CTNND2: variants seen among roughly 807,000 people sequenced by gnomAD.
CTNND2 encodes the protein catenin delta-2.
A neutral mutation model predicts 144.4 loss-of-function variants in CTNND2; 22 were observed. The observed-to-expected ratio is 0.15, with a 90% CI of 0.11 to 0.22. CTNND2 has a LOEUF of 0.22. Ranked by LOEUF, CTNND2 falls within the 10% of genes least tolerant of loss-of-function variation. CTNND2 has a pLI of 1.00. For missense variants in CTNND2, 1,353 were observed against 1,618.8 expected, an observed-to-expected ratio of 0.84 and a Z score of 2.82; for synonymous variants, 751 against 695.6, an observed-to-expected ratio of 1.08 and a Z score of -1.25.
At chr5:11,013,596 G>T (rs1561171333) in intron 18 of CTNND2, among the ~76,000 whole-genome samples, 1 of 152,230 alleles carries the variant, frequency 6.6e-6, no homozygotes, top group Non-Finnish European at 1.5e-5. Context: ...TTAGAGGACA[G>T]AAGTTGCAAA....
chr5:11,452,655 A>T (rs758512277), intron 3 of CTNND2, among the ~76,000 whole-genome samples: 1 of 152,214 alleles, frequency 6.6e-6, no homozygotes, highest in Non-Finnish European at 1.5e-5. Context: ...TTTTCATTCT[A>T]ACTATTCATT....
chr5:11,523,171 G>A lies in CTNND2; in HGVS notation c.287+41773C>T, dbSNP rs185026711. The stretch of plus-strand genomic sequence containing the variant: ...TACATAATATAATTATGGAGGAAAC[G>A]ATCAGTCTTTTTCCAAGGCTTGTTC... On this transcript the variant is annotated intron_variant, in intron 3 of 21. Coordinates refer to ENST00000304623, the MANE Select transcript of CTNND2 (RefSeq NM_001332.4). 2.4e-3 allele frequency among the ~76,000 whole-genome samples: 366 copies of A among 152,250 alleles called. 2 individuals carry two copies. The highest frequency in any genetic ancestry group is 8.4e-3 in the African/African-American group (349 of 41,552).
chr5:11,528,373 G>T (rs1434045349), intron 3 of CTNND2, among the ~76,000 whole-genome samples: 3 of 151,972 alleles, frequency 2.0e-5, no homozygotes, highest in African/African-American at 7.3e-5. Flanking sequence ...GTAAAACACA[G>T]CAACCCATGA....
At chr5:11,641,659 TATAC>T (rs1487472737) in intron 2 of CTNND2, among the ~76,000 whole-genome samples, 166 of 143,538 alleles carry the variant, frequency 1.2e-3, no homozygotes, top group East Asian at 2.7e-3. Context: ...TACGTGTGTA[TATAC>T]ATATACGTGT....
At chr5:11,131,852 T>C (rs1755644230) in intron 12 of CTNND2, among the ~76,000 whole-genome samples, 1 of 152,158 alleles carries the variant, frequency 6.6e-6, no homozygotes, top group South Asian at 2.1e-4. Context: ...ACATATGCAG[T>C]CATGTAATCT....
intron 1 of CTNND2, among the ~76,000 whole-genome samples, chr5:11,825,987 A>G (rs1008243810): frequency 5.3e-5 from 8 of 152,100 alleles, no homozygotes; most frequent in Non-Finnish European, 1.0e-4. Flanking sequence ...AACGTAAGGC[A>G]TAATAAGGGA....
intron 2 of CTNND2, among the ~76,000 whole-genome samples, chr5:11,625,188 T>C (rs1006551778): frequency 6.6e-6 from 1 of 152,076 alleles, no homozygotes; most frequent in African/African-American, 2.4e-5. Context: ...CTAATCTTCA[T>C]AGGAAAATGA....
At chr5:11,763,062 C>T (rs1789366688) in intron 1 of CTNND2, among the ~76,000 whole-genome samples, 1 of 152,116 alleles carries the variant, frequency 6.6e-6, no homozygotes, top group Non-Finnish European at 1.5e-5. Flanking sequence ...AGTGAGTTCT[C>T]ATGAGACCTG....
intron 17 of CTNND2, among the ~76,000 whole-genome samples, chr5:11,020,549 A>G (rs796776408): frequency 1.2e-4 from 19 of 152,300 alleles, no homozygotes; most frequent in African/African-American, 4.6e-4. Flanking sequence ...GGGAATCTCC[A>G]TACCTACTAT....
chr5:11,472,429 A>G (rs1767317739), intron 3 of CTNND2, among the ~76,000 whole-genome samples: 1 of 152,162 alleles, frequency 6.6e-6, no homozygotes, highest in Non-Finnish European at 1.5e-5. Flanking sequence ...ATTTTTCCAG[A>G]CAAACTTCAG....
intron 14 of CTNND2, among the ~76,000 whole-genome samples, chr5:11,106,715 A>G (rs1348910758): frequency 6.6e-6 from 1 of 152,124 alleles, no homozygotes; most frequent in Non-Finnish European, 1.5e-5. Flanking sequence ...GGGCCACTAC[A>G]TGCCTTTTTT....
chr5:11,799,980 A>C (rs1268100974), intron 1 of CTNND2, among the ~76,000 whole-genome samples: 1 of 152,188 alleles, frequency 6.6e-6, no homozygotes, highest in Non-Finnish European at 1.5e-5. Flanking sequence ...AAAGTTTGAC[A>C]TTCCAGAATT....
intron 2 of CTNND2, among the ~76,000 whole-genome samples, chr5:11,659,838 A>G (rs1386502567): frequency 6.6e-6 from 1 of 152,172 alleles, no homozygotes; most frequent in African/African-American, 2.4e-5. Flanking sequence ...TCATGAGTGT[A>G]CATCAGCTAC....
At chr5:11,163,089 AT>A in intron 11 of CTNND2, among the ~76,000 whole-genome samples, 1 of 152,310 alleles carries the variant, frequency 6.6e-6, no homozygotes, top group Non-Finnish European at 1.5e-5. Context: ...ATTCTTGGAC[AT>A]TTCCTTCAAA....
chr5:11,792,117 C>G (rs375511995), intron 1 of CTNND2, among the ~76,000 whole-genome samples: 8 of 152,184 alleles, frequency 5.3e-5, no homozygotes, highest in African/African-American at 1.7e-4. Flanking sequence ...CTAGACCATG[C>G]GGTCTCAAAG....
At chr5:11,782,750 C>A (rs562841653) in intron 1 of CTNND2, among the ~76,000 whole-genome samples, 4 of 152,308 alleles carry the variant, frequency 2.6e-5, no homozygotes, top group Non-Finnish European at 5.9e-5. Flanking sequence ...AACCCATTAT[C>A]CTATTCCATT....
chr5:11,463,354 C>T (rs191878421), intron 3 of CTNND2, among the ~76,000 whole-genome samples: 99 of 152,186 alleles, frequency 6.5e-4, no homozygotes, highest in African/African-American at 2.1e-3. Context: ...TCTTTGAGTG[C>T]TTTGGATTTT....
intron 1 of CTNND2, among the ~76,000 whole-genome samples, chr5:11,785,255 T>C (rs987036565): frequency 5.9e-5 from 9 of 152,176 alleles, no homozygotes; most frequent in Non-Finnish European, 8.8e-5. Flanking sequence ...ATGAGGATGA[T>C]AGTGTGTTGG....
rs571242178 is a variant in CTNND2 at position 11,144,794 on chromosome 5, T to C, written c.2159+14782A>G. On this transcript the variant is annotated intron_variant, in intron 12 of 21. Transcript: ENST00000304623. ...TACGGAGTGAGGTTCCTAGCTCCTG[T>C]TGGTGGACACATTTTCCTAAGGAAA... Among the ~76,000 whole-genome samples, 6 of 152,142 alleles carry C rather than the reference T, an allele frequency of 3.9e-5. No homozygotes were observed. In the East Asian group the frequency reaches 9.7e-4, roughly 25 times the overall value.
Sources: allele counts gnomAD v4.1 joint callset (sites outside exome capture counted in the v4.1 genomes callset), GRCh38; gene constraint gnomAD v4.1.1; transcripts MANE v1.5; gene names NCBI Gene and HGNC (gene_info 2026-07-23, HGNC 2026-07-21).